Variants in DDX1 observed in about 807,000 individuals in gnomAD.
DDX1 encodes DEAD-box helicase 1.
In DDX1, 28 loss-of-function variants were observed where a neutral mutation model predicts 108.7. The observed-to-expected ratio is 0.26, with a 90% CI of 0.19 to 0.35. The LOEUF (loss-of-function observed/expected upper bound fraction) is 0.35. Ranked by LOEUF, DDX1 falls within the 10% of genes least tolerant of loss-of-function variation. The pLI is 1.00. For missense variants in DDX1, 710 were observed against 884.5 expected, an observed-to-expected ratio of 0.80 and a Z score of 2.50; for synonymous variants, 295 against 288.9, an observed-to-expected ratio of 1.02 and a Z score of -0.21.
At chr2:15,624,735 A>G (rs938711684) in intron 19 of DDX1, among the ~76,000 whole-genome samples, 5 of 152,192 alleles carry the variant, frequency 3.3e-5, no homozygotes, top group Admixed American at 6.5e-5. Context: ...ATTCTCAATC[A>G]GTTGTTATGG....
rs776450971 is a variant in DDX1 at position 15,621,050 on chromosome 2, C to A, written c.1396-15C>A. ...ACCACTCCTCTATCCTGTTTTTATTCCTTGCTTTTGATAGACTGATGATGT... is the reference window on the plus strand; with the variant it reads ...ACCACTCCTCTATCCTGTTTTTATTACTTGCTTTTGATAGACTGATGATGT... On this transcript the variant is annotated splice_polypyrimidine_tract_variant and intron_variant, in intron 17 of 25. Transcript: ENST00000233084. The A allele has an allele frequency of 6.3e-7, 1 of 1,580,254 alleles. No individual in the cohort carries two copies. Among genetic ancestry groups the A allele is most frequent in the Non-Finnish European group, 8.7e-7 (1 of 1,152,022 alleles).
rs1443341163 is a variant in DDX1 at position 15,595,731 on chromosome 2, T to A, written c.132+178T>A. Among the ~76,000 whole-genome samples, 4 of 152,282 alleles carry A rather than the reference T, an allele frequency of 2.6e-5. No individual in the cohort carries two copies. The South Asian group carries it at 8.3e-4, about 32-fold the overall frequency. ...TTACTCCTGAGAAGCTTAAACCCAC[T>A]AGGGCAATAAGACATGTATAAGAAT... On this transcript the variant is annotated intron_variant, in intron 3 of 25. Transcript: ENST00000233084.
chr2:15,608,138 C>G (rs1034906956), intron 13 of DDX1, among the ~76,000 whole-genome samples: 17 of 152,162 alleles, frequency 1.1e-4, no homozygotes, highest in Admixed American at 6.5e-5. Flanking sequence ...AAGTAATACA[C>G]TCTGTTAGTC....
intron 18 of DDX1, among the ~76,000 whole-genome samples, chr2:15,622,846 C>A (rs1309039060): frequency 6.6e-6 from 1 of 152,140 alleles, no homozygotes; most frequent in Non-Finnish European, 1.5e-5. Flanking sequence ...GAATTAAAGT[C>A]TTACATTCAG....
rs781070989 is a variant in DDX1, at chr2:15,627,159, GTTGA to G, written c.1686+18_1686+21del. The G allele has an allele frequency of 1.9e-5, 28 of 1,478,714 alleles. No homozygotes were observed. Among genetic ancestry groups the G allele is most frequent in the Non-Finnish European group, 2.5e-5 (27 of 1,064,680 alleles). The allele number at this position is 1,478,714 out of a possible 1,614,324, so 91.6% of individuals were successfully genotyped here. ...GAAAGATTTAAGGTACTGATACATA[GTTGA>G]TTGTTTCCTTAATACTTAAGAGGGG... On this transcript the variant is annotated intron_variant, in intron 20 of 25. Transcript: ENST00000233084.
At chr2:15,593,125 T>C (rs773697169) in intron 1 of DDX1, among the ~76,000 whole-genome samples, 1 of 152,170 alleles carries the variant, frequency 6.6e-6, no homozygotes, top group Non-Finnish European at 1.5e-5. Flanking sequence ...TTTCACCATG[T>C]TGGCCAGGCT....
At chr2:15,614,270 T>C (rs1558456429) in intron 14 of DDX1, among the ~76,000 whole-genome samples, 1 of 152,248 alleles carries the variant, frequency 6.6e-6, no homozygotes, top group Non-Finnish European at 1.5e-5. Flanking sequence ...CCATCCGATA[T>C]TGAGTCATGA....
chr2:15,600,932 T>C (rs1573037726), intron 6 of DDX1, among the ~76,000 whole-genome samples: 1 of 151,858 alleles, frequency 6.6e-6, no homozygotes, highest in East Asian at 1.9e-4. Flanking sequence ...TTTTTATCAT[T>C]AGTAACTGTG....
intron 14 of DDX1, among the ~76,000 whole-genome samples, chr2:15,615,924 G>A (rs897628894): frequency 2.0e-5 from 3 of 151,708 alleles, no homozygotes; most frequent in South Asian, 4.2e-4. Flanking sequence ...ATGGAGTCTC[G>A]TTCTGTTGCC....
chr2:15,629,937 G>C, intron 24 of DDX1, 53 bp from the exon 25 acceptor site: 1 of 1,497,768 alleles, frequency 6.7e-7, no homozygotes, highest in Non-Finnish European at 9.1e-7. Context: ...ATGATAAAAT[G>C]CAACTCTTTC....
At position 15,630,961 on chromosome 2, in the gene DDX1, C is replaced by G; in HGVS notation, c.*55C>G. On this transcript the variant is annotated 3_prime_UTR_variant, in exon 26 of 26. Coordinates refer to ENST00000233084, the MANE Select transcript of DDX1 (RefSeq NM_004939.3). ...AATGAAAGTCTGTAGTCTTAAAACT[C>G]TAAAACAGTTGTACTGCTTCCAAGC... The G allele has an allele frequency of 6.4e-7, 1 of 1,568,028 alleles. No homozygotes were observed. Among genetic ancestry groups the G allele is most frequent in the South Asian group, 1.1e-5 (1 of 88,586 alleles).
At chr2:15,618,418 G>A (rs951093419) in intron 16 of DDX1, 148 bp downstream of exon 16, 21 of 548,040 alleles carry the variant, frequency 3.8e-5, no homozygotes, top group African/African-American at 3.5e-4. Flanking sequence ...CCACCCACTT[G>A]GCCTGGCAGG....
At chr2:15,610,797 C>T (rs998249774) in intron 13 of DDX1, among the ~76,000 whole-genome samples, 4 of 151,100 alleles carry the variant, frequency 2.6e-5, no homozygotes, top group South Asian at 2.1e-4. Flanking sequence ...GTGACTTTAC[C>T]GCACTTCAGC....
At chr2:15,612,889 C>T (rs1047094415) in intron 13 of DDX1, among the ~76,000 whole-genome samples, 6 of 147,742 alleles carry the variant, frequency 4.1e-5, no homozygotes, top group Admixed American at 6.7e-5. Flanking sequence ...TGCCTGCAAT[C>T]GCAGGCACTC....
chr2:15,609,600 G>A (rs190279728), intron 13 of DDX1, among the ~76,000 whole-genome samples: 1 of 152,262 alleles, frequency 6.6e-6, no homozygotes, highest in Non-Finnish European at 1.5e-5. Flanking sequence ...ACATTCCTTA[G>A]TGCAGGGGTG....
At chr2:15,617,138 C>G (rs1033290749) in intron 14 of DDX1, 106 bp from the exon 15 acceptor site, 1 of 460,882 alleles carries the variant, frequency 2.2e-6, no homozygotes, top group African/African-American at 2.1e-5. Flanking sequence ...TGACTGACTA[C>G]TTCAATATGC....
chr2:15,602,073 T>C (rs562341186), intron 6 of DDX1, among the ~76,000 whole-genome samples: 2 of 152,366 alleles, frequency 1.3e-5, no homozygotes, highest in Admixed American at 1.3e-4. Flanking sequence ...AGTTCTGTTA[T>C]CTTTTAGTTA....
At chr2:15,621,929 T>C (rs6755613) in intron 18 of DDX1, among the ~76,000 whole-genome samples, 103,526 of 152,140 alleles carry the variant, frequency 0.68, 36,049 homozygotes, top group East Asian at 0.89. Context: ...GCTGGGATTA[T>C]AGGCGTGAGC....
At chr2:15,600,218 C>G (rs1458454489) in intron 6 of DDX1, among the ~76,000 whole-genome samples, 1 of 152,134 alleles carries the variant, frequency 6.6e-6, no homozygotes. Flanking sequence ...GTTAACAGAC[C>G]TTACAGTGGC....
Sources: allele counts gnomAD v4.1 joint callset (sites outside exome capture counted in the v4.1 genomes callset), GRCh38; gene constraint gnomAD v4.1.1; transcripts MANE v1.5; gene names NCBI Gene and HGNC (gene_info 2026-07-23, HGNC 2026-07-21).